Variants in MBD2 observed in about 807,000 individuals in gnomAD.
MBD2 encodes the protein methyl-CpG-binding domain protein 2.
MBD2 carries 9 observed loss-of-function variants against 39.3 expected under a neutral mutation model. The ratio of observed to expected loss-of-function variants is 0.23; its 90% confidence interval spans 0.14 to 0.40. The LOEUF is 0.40. Among genes scored for constraint, MBD2 ranks in the 10% least tolerant of loss-of-function variants. The probability of loss-of-function intolerance (pLI) is 1.00; values close to 1 mark genes in which losing one functional copy is unlikely to be tolerated. For missense variants in MBD2, 458 were observed against 532.6 expected, an observed-to-expected ratio of 0.86 and a Z score of 1.38; for synonymous variants, 233 against 211.1, an observed-to-expected ratio of 1.10 and a Z score of -0.90.
At chr18:54,171,772 A>T (rs757356950) in intron 3 of MBD2, among the ~76,000 whole-genome samples, 4 of 152,244 alleles carry the variant, frequency 2.6e-5, no homozygotes, top group Non-Finnish European at 4.4e-5. Flanking sequence ...CACCTTCTGT[A>T]CAGAAATTCA....
At chr18:54,204,916 T>G (rs1024327074) in intron 2 of MBD2, 82 bp downstream of exon 2, 19 of 1,406,592 alleles carry the variant, frequency 1.4e-5, no homozygotes, top group Middle Eastern at 4.0e-4. Context: ...CAACCAAAAT[T>G]CCAGTCACTT....
At chr18:54,214,090 C>G (rs985158994) in intron 1 of MBD2, among the ~76,000 whole-genome samples, 5 of 149,354 alleles carry the variant, frequency 3.3e-5, no homozygotes, top group African/African-American at 1.2e-4. Flanking sequence ...CATTACTTCA[C>G]TATACTCTTC....
chr18:54,223,169 T>G (rs924663688), intron 1 of MBD2, among the ~76,000 whole-genome samples: 10 of 152,218 alleles, frequency 6.6e-5, no homozygotes, highest in African/African-American at 2.4e-4. Flanking sequence ...GGCACTTTCT[T>G]GAGCTTACTG....
At chr18:54,165,997 G>T in intron 4 of MBD2, 79 bp downstream of exon 4, 1 of 964,160 alleles carries the variant, frequency 1.0e-6, no homozygotes, top group Non-Finnish European at 1.6e-6. Flanking sequence ...AGTCATTGCT[G>T]AATCCACAGC....
At position 54,154,783 on chromosome 18, in the gene MBD2, G is replaced by A. The variant is rs1210700277; in HGVS notation, c.*541C>T. 1.3e-5 allele frequency: 2 copies of A among 152,626 alleles called. No individual in the cohort carries two copies. Among genetic ancestry groups the A allele is most frequent in the African/African-American group, 4.8e-5 (2 of 41,464 alleles). 9.5% of individuals were successfully genotyped at this position (152,626 alleles called of 1,614,324 possible). On this transcript the variant is annotated 3_prime_UTR_variant, in exon 7 of 7. Coordinates refer to ENST00000256429, the MANE Select transcript of MBD2 (RefSeq NM_003927.5). ...AGAGTTGAATGTAAATCAGAGGAAG[G>A]CTAACGAGGGGTTCTTTATTGTGTG...
At position 54,151,647 on chromosome 18, in the gene MBD2, C is replaced by T. The variant is rs1000354716; in HGVS notation, c.*3677G>A. The T allele has an allele frequency of 3.3e-5, 5 of 152,126 alleles. No homozygotes were observed. The highest frequency in any genetic ancestry group is 7.4e-5 in the Non-Finnish European group (5 of 68,024). 9.4% of individuals were successfully genotyped at this position (152,126 alleles called of 1,614,324 possible). ...TTTATTGCTGTACATTTTCTCATAG[C>T]ATTTACTATGGAAATACTAATAGTG... On this transcript the variant is annotated 3_prime_UTR_variant, in exon 7 of 7. Transcript: ENST00000256429.
chr18:54,180,147 CAATT>C (rs1304495340), intron 3 of MBD2, among the ~76,000 whole-genome samples: 2 of 151,866 alleles, frequency 1.3e-5, no homozygotes, highest in Non-Finnish European at 2.9e-5. Flanking sequence ...ATCTAAGAAT[CAATT>C]AAAGATATAT....
chr18:54,190,582 G>A (rs528699824), intron 2 of MBD2, among the ~76,000 whole-genome samples: 1 of 152,144 alleles, frequency 6.6e-6, no homozygotes, highest in Non-Finnish European at 1.5e-5. Flanking sequence ...GAGAGCTCAC[G>A]TTAATTTCAG....
intron 3 of MBD2, among the ~76,000 whole-genome samples, chr18:54,170,749 A>G (rs960951944): frequency 6.6e-6 from 1 of 152,222 alleles, no homozygotes; most frequent in Non-Finnish European, 1.5e-5. Flanking sequence ...GCCGACTGCA[A>G]TAATGAAGAT....
intron 3 of MBD2, 94 bp from the exon 4 acceptor site, chr18:54,166,260 A>G: frequency 1.4e-6 from 1 of 733,056 alleles, no homozygotes; most frequent in East Asian, 2.6e-5. Flanking sequence ...AATCATTTCA[A>G]TAGTTTCCTA....
chr18:54,178,277 A>T (rs1002477961), intron 3 of MBD2, among the ~76,000 whole-genome samples: 1 of 152,248 alleles, frequency 6.6e-6, no homozygotes, highest in African/African-American at 2.4e-5. Flanking sequence ...ATTTAAATGA[A>T]AAACCCAGAC....
At chr18:54,214,488 C>G (rs1228339503) in intron 1 of MBD2, among the ~76,000 whole-genome samples, 1 of 152,094 alleles carries the variant, frequency 6.6e-6, no homozygotes, top group African/African-American at 2.4e-5. Context: ...TATGTGCCAG[C>G]ATACCTGACC....
chr18:54,203,052 G>C, intron 2 of MBD2: 1 of 1,404,262 alleles, frequency 7.1e-7, no homozygotes, highest in Non-Finnish European at 1.0e-6. Flanking sequence ...TGAGCAAGCA[G>C]AGTCTTGAAA....
chr18:54,211,910 C>T (rs1467277595), intron 1 of MBD2, among the ~76,000 whole-genome samples: 1 of 151,666 alleles, frequency 6.6e-6, no homozygotes, highest in African/African-American at 2.4e-5. Context: ...GGCTGGAGTG[C>T]AATGGCACAA....
chr18:54,216,905 A>G (rs1437913554), intron 1 of MBD2, among the ~76,000 whole-genome samples: 1 of 152,202 alleles, frequency 6.6e-6, no homozygotes, highest in Non-Finnish European at 1.5e-5. Context: ...AGCCTGGCCA[A>G]CATGGTGAAA....
chr18:54,175,170 A>C (rs1296993522), intron 3 of MBD2, among the ~76,000 whole-genome samples: 1 of 152,236 alleles, frequency 6.6e-6, no homozygotes, highest in African/African-American at 2.4e-5. Context: ...AACTGACCAG[A>C]GGAACATGCT....
At chr18:54,201,641 T>C (rs921774271) in intron 2 of MBD2, among the ~76,000 whole-genome samples, 2 of 152,042 alleles carry the variant, frequency 1.3e-5, no homozygotes, top group Non-Finnish European at 2.9e-5. Context: ...GGAGGGCAGA[T>C]CACGAGGTCA....
At chr18:54,181,502 T>C (rs2086251721) in intron 3 of MBD2, among the ~76,000 whole-genome samples, 1 of 152,160 alleles carries the variant, frequency 6.6e-6, no homozygotes, top group Non-Finnish European at 1.5e-5. Flanking sequence ...CAATTATTTA[T>C]TTTATTCTTT....
At chr18:54,172,514 T>G (rs2144291581) in intron 3 of MBD2, among the ~76,000 whole-genome samples, 1 of 152,286 alleles carries the variant, frequency 6.6e-6, no homozygotes. Flanking sequence ...CTGTTTCAGA[T>G]TAATTATACT....
Sources: gnomAD v4.1 joint callset for allele counts (sites outside exome capture counted in the v4.1 genomes callset) on GRCh38, gnomAD v4.1.1 for gene constraint, MANE v1.5 for transcripts, NCBI Gene and HGNC (gene_info 2026-07-23, HGNC 2026-07-21) for gene names.